SEMA6A: variants seen among roughly 807,000 people sequenced by gnomAD.
The protein encoded by SEMA6A is semaphorin 6A.
Under a neutral mutation model 96.8 loss-of-function variants are expected in SEMA6A, and 25 were observed. The observed-to-expected ratio is 0.26, with a 90% CI of 0.19 to 0.36. The LOEUF is 0.36. SEMA6A is among the 10% of genes least tolerant of loss of function. SEMA6A has a pLI of 1.00. For synonymous variants in SEMA6A, 612 were observed against 518.0 expected (o/e 1.18, Z -2.46); for missense variants, 1,363 against 1,323.1 (o/e 1.03, Z -0.47).
At chr5:116,458,713 A>C (rs1755173194) in intron 18 of SEMA6A, among the ~76,000 whole-genome samples, 1 of 152,216 alleles carries the variant, frequency 6.6e-6, no homozygotes, top group Non-Finnish European at 1.5e-5. Flanking sequence ...ACAGCTTTCT[A>C]CATGGCTGAC....
chr5:116,455,547 T>C (rs1488291252), intron 18 of SEMA6A, among the ~76,000 whole-genome samples: 1 of 152,170 alleles, frequency 6.6e-6, no homozygotes, highest in Non-Finnish European at 1.5e-5. Flanking sequence ...CTTTACTCTC[T>C]CAAAAGGCAT....
intron 18 of SEMA6A, among the ~76,000 whole-genome samples, chr5:116,460,193 C>G (rs796893994): frequency 1.4e-4 from 21 of 152,256 alleles, no homozygotes; most frequent in African/African-American, 4.3e-4. Flanking sequence ...TTTAACCATG[C>G]TCCTCTTTAA....
chr5:116,511,657 C>T (rs761379873), intron 1 of SEMA6A, among the ~76,000 whole-genome samples: 1 of 152,176 alleles, frequency 6.6e-6, no homozygotes, highest in Non-Finnish European at 1.5e-5. Flanking sequence ...TACACAGTTG[C>T]TCCCAAACAT....
In SEMA6A at chr5:116,445,770, G is replaced by A. The variant is rs1001798154; in HGVS notation, c.*843C>T. ...AACTTATTTACTCAGTGAATTTATT[G>A]TAAAAATAAAGAAACTCAATTATTC... On this transcript the variant is annotated 3_prime_UTR_variant, in exon 19 of 19. Transcript: ENST00000343348. 1 of 152,580 alleles carries A rather than the reference G, an allele frequency of 6.6e-6. No individual in the cohort carries two copies. The highest frequency in any genetic ancestry group is 1.5e-5 in the Non-Finnish European group (1 of 68,030). The allele number at this position is 152,580 out of a possible 1,614,324, so 9.5% of individuals were successfully genotyped here. A position where few individuals can be genotyped will look rare whatever the true frequency, so the allele number is the denominator to read the frequency against.
intron 1 of SEMA6A, among the ~76,000 whole-genome samples, chr5:116,555,544 A>AT (rs1207106413): frequency 6.6e-6 from 1 of 152,182 alleles, no homozygotes; most frequent in African/African-American, 2.4e-5. Flanking sequence ...TGAGTCAGAC[A>AT]TTAAGTTAAC....
chr5:116,572,020 GTCCACCA>G (rs1761235380), intron 1 of SEMA6A, among the ~76,000 whole-genome samples: 1 of 152,148 alleles, frequency 6.6e-6, no homozygotes, highest in African/African-American at 2.4e-5. Context: ...CCCAAGATGT[GTCCACCA>G]GGGGAAGGAC....
chr5:116,471,931 A>G (rs258020), intron 17 of SEMA6A, among the ~76,000 whole-genome samples: 85,339 of 151,814 alleles, frequency 0.56, 25,176 homozygotes, highest in East Asian at 0.78. Flanking sequence ...TTTAAAATTT[A>G]TTTTTCTCCC....
At chr5:116,488,834 C>G in intron 8 of SEMA6A, 54 bp downstream of exon 8, 1 of 1,496,862 alleles carries the variant, frequency 6.7e-7, no homozygotes, top group Non-Finnish European at 8.9e-7. Flanking sequence ...AAATCTCCCA[C>G]AAGATGTGTA....
chr5:116,461,825 A>G (rs145678828), intron 18 of SEMA6A, among the ~76,000 whole-genome samples: 148 of 152,160 alleles, frequency 9.7e-4, no homozygotes, highest in African/African-American at 3.2e-3. Context: ...GGTGTTTGAT[A>G]TTTCTTGGAC....
At chr5:116,571,308 C>T (rs189805246) in intron 1 of SEMA6A, among the ~76,000 whole-genome samples, 15 of 152,210 alleles carry the variant, frequency 9.9e-5, no homozygotes, top group Admixed American at 7.9e-4. Context: ...AAATGATTTT[C>T]GGTATCTGCT....
intron 10 of SEMA6A, among the ~76,000 whole-genome samples, chr5:116,485,440 G>A (rs146168832): frequency 2.0e-5 from 3 of 152,220 alleles, no homozygotes; most frequent in African/African-American, 7.2e-5. Flanking sequence ...TTTAAATATC[G>A]TTTTTATCCA....
rs186979968 is a variant in SEMA6A, at chr5:116,537,158, G to C, written c.-38-32176C>G. On this transcript the variant is annotated intron_variant, in intron 1 of 18. Transcript: ENST00000343348. Reference sequence around the variant, plus strand: ...ATGCACACATGCATGCACACATAGAGACCCACCAACAGGGAAACTGCAGCA... The same window carrying C: ...ATGCACACATGCATGCACACATAGACACCCACCAACAGGGAAACTGCAGCA... Among the ~76,000 whole-genome samples, 359 of 152,300 alleles carry C rather than the reference G, an allele frequency of 2.4e-3. 1 individual carries two copies. The highest frequency in any genetic ancestry group is 0.01 in the Middle Eastern group (3 of 294).
At chr5:116,521,148 GGAGACATCCA>G (rs1323945198) in intron 1 of SEMA6A, among the ~76,000 whole-genome samples, 6 of 152,196 alleles carry the variant, frequency 3.9e-5, no homozygotes, top group African/African-American at 1.4e-4. Context: ...CTCTAGGGAT[GGAGACATCCA>G]GCATCTATAC....
intron 1 of SEMA6A, among the ~76,000 whole-genome samples, chr5:116,531,925 A>G (rs972111474): frequency 6.6e-6 from 1 of 152,066 alleles, no homozygotes; most frequent in Non-Finnish European, 1.5e-5. Flanking sequence ...GCTCTCTTTA[A>G]AAGAGCCAAC....
chr5:116,477,816 T>A (rs757186714), intron 15 of SEMA6A, 30 bp downstream of exon 15: 2 of 1,610,408 alleles, frequency 1.2e-6, no homozygotes, highest in Non-Finnish European at 1.7e-6. Context: ...GGAAGCCACT[T>A]CACCCTCTCC....
Position 116,487,150 on chromosome 5 carries a change from A to G in SEMA6A, c.745-184T>C, listed in dbSNP as rs1317425360. 8.7e-6 allele frequency: 5 copies of G among 571,768 alleles called. No individual in the cohort carries two copies. The East Asian group carries it at 1.5e-4, about 17-fold the overall frequency. 35.4% of individuals were successfully genotyped at this position (571,768 alleles called of 1,614,324 possible). On this transcript the variant is annotated intron_variant, in intron 9 of 18. Transcript: ENST00000343348. The stretch of plus-strand genomic sequence containing the variant: ...GAGGAAAACTCAGCATTAGAGTAGC[A>G]TGTTTTAAAAGATAAGGCTGTGGCA...
At chr5:116,450,870 A>G (rs1754585381) in intron 18 of SEMA6A, among the ~76,000 whole-genome samples, 1 of 152,248 alleles carries the variant, frequency 6.6e-6, no homozygotes, top group South Asian at 2.1e-4. Flanking sequence ...TGAAGAAGAT[A>G]AGGTAAACGT....
intron 1 of SEMA6A, chr5:116,554,593 T>C (rs1760540128): frequency 6.6e-6 from 1 of 152,084 alleles, no homozygotes; most frequent in South Asian, 2.1e-4. Flanking sequence ...ACCAACTTTG[T>C]GGAGAAAATT....
intron 1 of SEMA6A, among the ~76,000 whole-genome samples, chr5:116,568,914 T>C (rs76854234): frequency 0.033 from 4,984 of 152,222 alleles, 107 homozygotes; most frequent in Non-Finnish European, 0.044. Context: ...AAACATGATA[T>C]AGAAAAACAA....
Sources: allele counts gnomAD v4.1 joint callset (sites outside exome capture counted in the v4.1 genomes callset), GRCh38; gene constraint gnomAD v4.1.1; transcripts MANE v1.5; gene names NCBI Gene and HGNC (gene_info 2026-07-23, HGNC 2026-07-21).